Variants in CHRM2 observed in about 807,000 individuals in gnomAD.
CHRM2 encodes the protein cholinergic receptor muscarinic 2.
A neutral mutation model predicts 25.0 loss-of-function variants in CHRM2; 8 were observed. That is an observed-to-expected ratio of 0.32 (90% confidence interval 0.19 to 0.58). The LOEUF (loss-of-function observed/expected upper bound fraction) is 0.58. Ranked by LOEUF, CHRM2 falls within the 20% of genes least tolerant of loss-of-function variation. The pLI, the probability that CHRM2 is intolerant of heterozygous loss-of-function variation, is 0.88. For missense variants in CHRM2, 440 were observed against 567.1 expected (o/e 0.78, Z 2.28); for synonymous variants, 202 against 205.7 (o/e 0.98, Z 0.15).
intron 2 of CHRM2, among the ~76,000 whole-genome samples, chr7:136,942,147 CAT>C (rs1267647218): frequency 6.6e-6 from 1 of 152,114 alleles, no homozygotes; most frequent in Non-Finnish European, 1.5e-5. Flanking sequence ...GGCCTTTGCA[CAT>C]TAACAGAGTA....
intron 2 of CHRM2, among the ~76,000 whole-genome samples, chr7:136,922,101 C>T (rs1213748145): frequency 6.6e-6 from 1 of 152,126 alleles, no homozygotes; most frequent in African/African-American, 2.4e-5. Flanking sequence ...CAAAGTCATG[C>T]TCTCCAGCCT....
At chr7:136,880,299 T>C (rs953622719) in intron 2 of CHRM2, among the ~76,000 whole-genome samples, 1 of 151,958 alleles carries the variant, frequency 6.6e-6, no homozygotes, top group Non-Finnish European at 1.5e-5. Flanking sequence ...GTGGTGACTC[T>C]AAATTCATTC....
intron 2 of CHRM2, among the ~76,000 whole-genome samples, chr7:136,933,435 G>A (rs1447718851): frequency 6.6e-6 from 1 of 152,166 alleles, no homozygotes; most frequent in African/African-American, 2.4e-5. Context: ...ATAATATCAA[G>A]TGTTGTCAAG....
Position 137,015,948 on chromosome 7 carries a change from A to T in CHRM2, c.1083A>T (p.Val361=). The T allele has an allele frequency of 6.2e-7, 1 of 1,613,184 alleles. No homozygotes were observed. The highest frequency in any genetic ancestry group is 8.5e-7 in the Non-Finnish European group (1 of 1,179,464). ...GQNGDEKQNI[V]ARKIVKMTKQ... is the part of the protein sequence containing the mutation. ...ATGGAGATGAAAAGCAGAATATTGT[A>T]GCCCGCAAGATTGTGAAGATGACTA... Residue 361 remains valine, a synonymous_variant, in exon 4 of 4, where the codon GTA becomes GTT. Coordinates refer to ENST00000680005, the MANE Select transcript of CHRM2 (RefSeq NM_001006630.2). The surrounding 1 kb of genome is among the most constrained non-coding windows in gnomAD (Gnocchi z 5.1).
intron 2 of CHRM2, among the ~76,000 whole-genome samples, chr7:136,907,167 G>A (rs879491718): frequency 3.3e-5 from 5 of 151,972 alleles, no homozygotes; most frequent in East Asian, 3.9e-4. Flanking sequence ...ATGAAGCTTC[G>A]CTTGCTGTCA....
intron 2 of CHRM2, among the ~76,000 whole-genome samples, chr7:136,948,765 T>C (rs1346580570): frequency 6.6e-6 from 1 of 151,650 alleles, no homozygotes; most frequent in East Asian, 1.9e-4. Context: ...CAGTAAGCAG[T>C]CTCCTGTTGA....
At chr7:136,965,646 C>T (rs1801369338) in intron 2 of CHRM2, among the ~76,000 whole-genome samples, 2 of 151,956 alleles carry the variant, frequency 1.3e-5, no homozygotes, top group African/African-American at 4.8e-5. Context: ...GAAAAAGAAG[C>T]TCCTACAGAC....
At chr7:136,880,659 T>G (rs1796230320) in intron 2 of CHRM2, among the ~76,000 whole-genome samples, 1 of 151,868 alleles carries the variant, frequency 6.6e-6, no homozygotes, top group Non-Finnish European at 1.5e-5. Flanking sequence ...TAGGCCAGTT[T>G]TAATTTCACA....
chr7:136,875,719 G>A (rs1796027745), intron 2 of CHRM2, among the ~76,000 whole-genome samples: 1 of 152,158 alleles, frequency 6.6e-6, no homozygotes, highest in African/African-American at 2.4e-5. Context: ...TCAAACCCAT[G>A]TGAGAGCTTC....
chr7:137,008,504 C>G (rs1804595816), intron 3 of CHRM2, among the ~76,000 whole-genome samples: 1 of 152,074 alleles, frequency 6.6e-6, no homozygotes, highest in East Asian at 1.9e-4. Flanking sequence ...GTCATTTGAG[C>G]CAACATTGAT....
In CHRM2 at chr7:136,869,342, C is replaced by T. The variant is rs2130433227; in HGVS notation, c.-201C>T. ...CAGCCCGAGCGGATCGGCCCTGAAC[C>T]CACAAAGGACTCCTCGCTCCTTCAA... On this transcript the variant is annotated 5_prime_UTR_variant, in exon 2 of 4. Coordinates refer to ENST00000680005, the MANE Select transcript of CHRM2 (RefSeq NM_001006630.2). This position sits in a 1 kb window ranked among gnomAD's most constrained non-coding sequence, Gnocchi z 4.9. 6.6e-6 allele frequency: 1 copy of T among 152,432 alleles called. No homozygotes were observed. The highest frequency in any genetic ancestry group is 2.4e-5 in the African/African-American group (1 of 41,590). The allele number at this position is 152,432 out of a possible 1,614,324, so 9.4% of individuals were successfully genotyped here.
intron 2 of CHRM2, among the ~76,000 whole-genome samples, chr7:136,950,473 G>T (rs1434161286): frequency 6.6e-6 from 1 of 152,126 alleles, no homozygotes; most frequent in Non-Finnish European, 1.5e-5. Context: ...AGGAGTGGGG[G>T]TTATTTGCCA....
chr7:136,906,117 G>A (rs1009867869), intron 2 of CHRM2, among the ~76,000 whole-genome samples: 1 of 148,996 alleles, frequency 6.7e-6, no homozygotes, highest in Admixed American at 6.7e-5. Flanking sequence ...ATATGTGTGT[G>A]TATATATACA....
At chr7:136,986,072 T>C (rs1802835600) in intron 2 of CHRM2, among the ~76,000 whole-genome samples, 1 of 152,128 alleles carries the variant, frequency 6.6e-6, no homozygotes, top group African/African-American at 2.4e-5. Flanking sequence ...CCTATCATCA[T>C]CCCTCTCTCA....
intron 2 of CHRM2, among the ~76,000 whole-genome samples, chr7:136,873,683 G>A (rs10488595): frequency 0.13 from 20,216 of 152,130 alleles, 1,493 homozygotes; most frequent in Non-Finnish European, 0.17. Context: ...TGTGTCAATC[G>A]GTTCGCTATA....
chr7:136,999,928 T>C (rs1020009545), intron 3 of CHRM2, among the ~76,000 whole-genome samples: 2 of 152,170 alleles, frequency 1.3e-5, no homozygotes, highest in African/African-American at 4.8e-5. Context: ...TCATGAAAAT[T>C]GTTATTATAT....
At chr7:137,006,115 A>C (rs549264368) in intron 3 of CHRM2, among the ~76,000 whole-genome samples, 1 of 152,268 alleles carries the variant, frequency 6.6e-6, no homozygotes, top group Admixed American at 6.5e-5. Context: ...GATTACATTC[A>C]TCATCAATAT....
At chr7:136,962,407 T>A (rs1165310409) in intron 2 of CHRM2, among the ~76,000 whole-genome samples, 1 of 152,118 alleles carries the variant, frequency 6.6e-6, no homozygotes, top group Admixed American at 6.5e-5. Context: ...TGTGCTGGGA[T>A]TACAGGTGTA....
At chr7:136,997,761 T>C (rs1239476241) in intron 3 of CHRM2, among the ~76,000 whole-genome samples, 2 of 152,214 alleles carry the variant, frequency 1.3e-5, no homozygotes, top group Non-Finnish European at 2.9e-5. Flanking sequence ...CCTTGGCAAA[T>C]AGTTGTAGCA....
Sources: allele counts gnomAD v4.1 joint callset (sites outside exome capture counted in the v4.1 genomes callset), GRCh38; gene constraint gnomAD v4.1.1; non-coding constraint Gnocchi (gnomAD v3.1); transcripts MANE v1.5; gene names NCBI Gene and HGNC (gene_info 2026-07-23, HGNC 2026-07-21).